The following NOX3 variants were observed in gnomAD, a reference collection of about 807,000 sequenced individuals.
NOX3 encodes the protein NADPH oxidase catalytic subunit-like 3.
In NOX3, 74 loss-of-function variants were observed where a neutral mutation model predicts 76.7. The ratio of observed to expected loss-of-function variants is 0.96; its 90% CI spans 0.80 to 1.17. The LOEUF (loss-of-function observed/expected upper bound fraction) is 1.17. Among genes scored for constraint, NOX3 ranks in the 50% most tolerant of loss-of-function variants. The pLI is 0.00. For synonymous variants in NOX3, 263 were observed against 261.1 expected (o/e 1.01, Z -0.07); for missense variants, 695 against 703.3 (o/e 0.99, Z 0.13).
chr6:155,396,617 T>G (rs1779140513), intron 13 of NOX3, among the ~76,000 whole-genome samples, 192 bp downstream of exon 13: 1 of 152,226 alleles, frequency 6.6e-6, no homozygotes. Context: ...CGTCCATCAG[T>G]AAAATATTAT....
intron 10 of NOX3, among the ~76,000 whole-genome samples, chr6:155,415,128 C>T (rs1032486136): frequency 2.6e-5 from 4 of 152,158 alleles, no homozygotes; most frequent in Admixed American, 1.3e-4. Context: ...AGTTTGGGCT[C>T]TCTGTGTGTC....
rs2114713566 is a variant in NOX3 at position 155,455,606 on chromosome 6, TACATCTACTGAATGTTTTC to T, written c.48+128_48+146del. On this transcript the variant is annotated intron_variant, in intron 1 of 13. Transcript: ENST00000159060. ...CATGATTCTATAAGGGGAAATTAAA[TACATCTACTGAATGTTTTC>T]TAACAAGTTTTAGTCTTTTAACTAG... 5.3e-6 allele frequency: 3 copies of T among 570,088 alleles called. No homozygotes were observed. The East Asian group carries it at 8.5e-5, about 16-fold the overall frequency. The allele number at this position is 570,088 out of a possible 1,614,324, so 35.3% of individuals were successfully genotyped here. A position where few individuals can be genotyped will look rare whatever the true frequency, so the allele number is the denominator to read the frequency against.
intron 6 of NOX3, among the ~76,000 whole-genome samples, chr6:155,437,778 C>T (rs960967081): frequency 4.6e-5 from 7 of 152,170 alleles, no homozygotes; most frequent in East Asian, 1.9e-4. Flanking sequence ...ACATTTTAAA[C>T]GTTTGAAATG....
intron 7 of NOX3, among the ~76,000 whole-genome samples, chr6:155,433,523 G>A (rs1194058704): frequency 6.6e-6 from 1 of 152,214 alleles, no homozygotes; most frequent in Non-Finnish European, 1.5e-5. Context: ...TGTTCATAAC[G>A]TCCTGTTTTG....
At chr6:155,422,975 C>A (rs1333127084) in intron 9 of NOX3, 119 bp from the exon 10 acceptor site, 46 of 989,614 alleles carry the variant, frequency 4.6e-5, no homozygotes, top group Non-Finnish European at 6.7e-5. Context: ...CAGAGGTTGA[C>A]TCTGTGCCTG....
At chr6:155,419,035 T>G (rs1442348942) in intron 10 of NOX3, among the ~76,000 whole-genome samples, 1 of 152,252 alleles carries the variant, frequency 6.6e-6, no homozygotes, top group Non-Finnish European at 1.5e-5. Context: ...CTTAAAATTG[T>G]GAAGACACCG....
At chr6:155,439,468 C>T (rs1014123386) in intron 6 of NOX3, among the ~76,000 whole-genome samples, 1 of 152,056 alleles carries the variant, frequency 6.6e-6, no homozygotes, top group Non-Finnish European at 1.5e-5. Context: ...GCTCAGAGGA[C>T]CTGAAGGGCT....
At chr6:155,411,013 C>T (rs1417143396) in intron 11 of NOX3, among the ~76,000 whole-genome samples, 1 of 152,200 alleles carries the variant, frequency 6.6e-6, no homozygotes, top group Non-Finnish European at 1.5e-5. Flanking sequence ...TTAACTGTAG[C>T]TTCTTTTTTT....
At chr6:155,424,460 C>A (rs1288893796) in intron 9 of NOX3, among the ~76,000 whole-genome samples, 1 of 152,180 alleles carries the variant, frequency 6.6e-6, no homozygotes, top group African/African-American at 2.4e-5. Context: ...TACATATGAA[C>A]AAAGATATGC....
intron 6 of NOX3, among the ~76,000 whole-genome samples, chr6:155,437,260 G>A (rs924396568): frequency 6.6e-6 from 1 of 152,140 alleles, no homozygotes; most frequent in Admixed American, 6.6e-5. Context: ...GTTCCTTCTT[G>A]GTGCACAGAC....
At chr6:155,428,721 AG>A (rs774559187) in intron 9 of NOX3, 72 bp downstream of exon 9, 456 of 1,326,148 alleles carry the variant, frequency 3.4e-4, no homozygotes, top group Non-Finnish European at 4.2e-4. Flanking sequence ...TGAATCAGGT[AG>A]CATGTTGATA....
intron 4 of NOX3, among the ~76,000 whole-genome samples, chr6:155,451,371 T>A (rs1033071904): frequency 2.0e-5 from 3 of 152,110 alleles, no homozygotes; most frequent in African/African-American, 7.2e-5. Flanking sequence ...ATAAAATAAT[T>A]TGGTTACCTG....
chr6:155,415,999 C>T (rs1258801472), intron 10 of NOX3, among the ~76,000 whole-genome samples: 1 of 152,172 alleles, frequency 6.6e-6, no homozygotes, highest in Non-Finnish European at 1.5e-5. Flanking sequence ...ACCTCTAGCA[C>T]CAGTGTCAGA....
rs1408129226 is a variant in NOX3, at chr6:155,445,900, TTA to T, written c.341-2484_341-2483del. Among the ~76,000 whole-genome samples the T allele has an allele frequency of 2.7e-3, 213 of 78,468 alleles. 1 individual carries two copies. Among genetic ancestry groups the T allele is most frequent in the South Asian group, 5.2e-3 (10 of 1,938 alleles). The allele number at this position is 78,468 out of a possible 152,430, so 51.5% of individuals were successfully genotyped here. ...TATATATATATGCTATATATATATA[TTA>T]TATATATGCTATAGATATATAATAT... On this transcript the variant is annotated intron_variant, in intron 4 of 13. Transcript: ENST00000159060.
intron 10 of NOX3, among the ~76,000 whole-genome samples, chr6:155,419,191 A>G (rs1455486585): frequency 6.6e-6 from 1 of 152,232 alleles, no homozygotes; most frequent in East Asian, 1.9e-4. Flanking sequence ...TAGTAGCTAT[A>G]CTCAAACCAA....
At chr6:155,412,577 C>T (rs1582930172) in intron 10 of NOX3, among the ~76,000 whole-genome samples, 1 of 152,124 alleles carries the variant, frequency 6.6e-6, no homozygotes, top group Admixed American at 6.5e-5. Flanking sequence ...GACAAATAAT[C>T]CCTCAGTCTC....
intron 12 of NOX3, among the ~76,000 whole-genome samples, chr6:155,401,732 G>A (rs1779229440): frequency 6.7e-6 from 1 of 149,052 alleles, no homozygotes; most frequent in African/African-American, 2.5e-5. Flanking sequence ...CTAACAAATG[G>A]TAGTACTCTT....
At chr6:155,407,404 A>C in intron 11 of NOX3, 150 bp from the exon 12 acceptor site, 2 of 739,012 alleles carry the variant, frequency 2.7e-6, no homozygotes, top group Non-Finnish European at 4.2e-6. Context: ...GATGTCTCCA[A>C]TGCTGCACTT....
chr6:155,432,877 G>T (rs1156834576), intron 7 of NOX3, among the ~76,000 whole-genome samples: 2 of 152,130 alleles, frequency 1.3e-5, no homozygotes, highest in Non-Finnish European at 2.9e-5. Context: ...GGAAAGATGG[G>T]GTTGGACCGA....
Sources: gnomAD v4.1 joint callset for allele counts (sites outside exome capture counted in the v4.1 genomes callset) on GRCh38, gnomAD v4.1.1 for gene constraint, MANE v1.5 for transcripts, NCBI Gene and HGNC (gene_info 2026-07-23, HGNC 2026-07-21) for gene names.